The following FAM184B variants were observed in gnomAD, a reference collection of about 807,000 sequenced individuals.
The protein encoded by FAM184B is family with sequence similarity 184 member B.
A neutral mutation model predicts 135.9 loss-of-function variants in FAM184B; 111 were observed. The ratio of observed to expected loss-of-function variants is 0.82; its 90% CI spans 0.70 to 0.96. The LOEUF (loss-of-function observed/expected upper bound fraction) is 0.96, where lower values mean the gene tolerates loss of function less well. FAM184B is among the 40% of genes least tolerant of loss of function. The pLI, the probability that FAM184B is intolerant of heterozygous loss-of-function variation, is 0.00. For missense variants in FAM184B, 1,375 were observed against 1,323.9 expected, an observed-to-expected ratio of 1.04 and a Z score of -0.60; for synonymous variants, 552 against 524.8, an observed-to-expected ratio of 1.05 and a Z score of -0.71.
chr4:17,644,367 C>T (rs1715406404), intron 12 of FAM184B, among the ~76,000 whole-genome samples: 1 of 152,190 alleles, frequency 6.6e-6, no homozygotes, highest in African/African-American at 2.4e-5. Context: ...TCCAGCAGCA[C>T]ATCAAAAAGC....
chr4:17,662,071 A>T (rs1715932469), intron 8 of FAM184B, among the ~76,000 whole-genome samples: 1 of 152,188 alleles, frequency 6.6e-6, no homozygotes, highest in African/African-American at 2.4e-5. Context: ...CCTGAGCTTA[A>T]GCATCATACA....
chr4:17,775,470 C>T (rs1299472234), intron 1 of FAM184B, among the ~76,000 whole-genome samples: 1 of 152,216 alleles, frequency 6.6e-6, no homozygotes, highest in Non-Finnish European at 1.5e-5. Context: ...CAGGCATGAG[C>T]CACTGAGCCC....
intron 11 of FAM184B, among the ~76,000 whole-genome samples, chr4:17,652,224 A>C (rs1320316212): frequency 2.8e-5 from 4 of 140,480 alleles, no homozygotes; most frequent in Non-Finnish European, 6.0e-5. Context: ...TCCCGGGTTC[A>C]CGCCATTCTC....
At chr4:17,668,693 C>T (rs888588884) in intron 7 of FAM184B, among the ~76,000 whole-genome samples, 11 of 152,056 alleles carry the variant, frequency 7.2e-5, no homozygotes, top group African/African-American at 2.4e-4. Context: ...ACAACACGCC[C>T]GGCTAATTTT....
At chr4:17,749,485 G>T (rs566179513) in intron 1 of FAM184B, among the ~76,000 whole-genome samples, 2 of 152,034 alleles carry the variant, frequency 1.3e-5, no homozygotes, top group African/African-American at 4.8e-5. Flanking sequence ...AATGGAAACA[G>T]ATCTAAAAAT....
chr4:17,725,647 C>A (rs1395151985), intron 1 of FAM184B, among the ~76,000 whole-genome samples: 1 of 152,164 alleles, frequency 6.6e-6, no homozygotes, highest in Non-Finnish European at 1.5e-5. Flanking sequence ...TCTCCATTTT[C>A]ACTAATGGTG....
chr4:17,729,287 G>A (rs1293835588), intron 1 of FAM184B, among the ~76,000 whole-genome samples: 1 of 152,226 alleles, frequency 6.6e-6, no homozygotes, highest in East Asian at 1.9e-4. Context: ...AGCTCAAGGA[G>A]GCCTGCCTGC....
intron 1 of FAM184B, among the ~76,000 whole-genome samples, chr4:17,732,429 T>C (rs1480534625): frequency 1.3e-5 from 2 of 152,082 alleles, no homozygotes; most frequent in African/African-American, 4.8e-5. Context: ...ACAAAATCGA[T>C]AGACCGCTAG....
chr4:17,761,031 G>C (rs1322493694), intron 1 of FAM184B, among the ~76,000 whole-genome samples: 1 of 152,212 alleles, frequency 6.6e-6, no homozygotes, highest in Non-Finnish European at 1.5e-5. Flanking sequence ...GACATTTTTA[G>C]TTGAGGCCAG....
At chr4:17,729,303 T>C (rs1717717419) in intron 1 of FAM184B, among the ~76,000 whole-genome samples, 1 of 152,242 alleles carries the variant, frequency 6.6e-6, no homozygotes, top group South Asian at 2.1e-4. Flanking sequence ...CCTGCCTCTG[T>C]AGGCTCCACC....
At position 17,632,043 on chromosome 4, in the gene FAM184B, ATTTTTTTTT is replaced by A. The variant is rs199549580; in HGVS notation, c.*480_*488del. Reference sequence around the variant, plus strand: ...TTTTAATAACACTGGTTTAATGTCAATTTTTTTTTTTTTTTTTTTTTTTTTTTTTTTTTT... The same window carrying A: ...TTTTAATAACACTGGTTTAATGTCAATTTTTTTTTTTTTTTTTTTTTTTTT... On this transcript the variant is annotated 3_prime_UTR_variant, in exon 18 of 18. Coordinates refer to ENST00000265018, the MANE Select transcript of FAM184B (RefSeq NM_015688.2). 10 of 117,608 alleles carry A rather than the reference ATTTTTTTTT, an allele frequency of 8.5e-5. No homozygotes were observed. The highest frequency in any genetic ancestry group is 4.3e-4 in the East Asian group (2 of 4,606). 7.3% of individuals were successfully genotyped at this position (117,608 alleles called of 1,614,324 possible). A position where few individuals can be genotyped will look rare whatever the true frequency, so the allele number is the denominator to read the frequency against.
intron 1 of FAM184B, among the ~76,000 whole-genome samples, chr4:17,749,243 C>G (rs76545601): frequency 0.044 from 6,656 of 151,938 alleles, 335 homozygotes; most frequent in African/African-American, 0.13. Context: ...GACTCTAGTT[C>G]AGGAACCCAT....
intron 1 of FAM184B, among the ~76,000 whole-genome samples, chr4:17,755,601 G>A (rs1718400630): frequency 1.3e-5 from 2 of 152,252 alleles, no homozygotes; most frequent in Admixed American, 6.5e-5. Flanking sequence ...ATAAAGATAT[G>A]TACATGCATA....
At chr4:17,653,085 C>T (rs367837796) in intron 10 of FAM184B, 102 bp from the exon 11 acceptor site, 11 of 1,124,378 alleles carry the variant, frequency 9.8e-6, no homozygotes, top group Middle Eastern at 2.0e-4. Flanking sequence ...TCTGAACACT[C>T]GCACTCTCCC....
At position 17,781,189 on chromosome 4, in the gene FAM184B, T is replaced by C. The variant is rs991237885; in HGVS notation, c.111A>G (p.Lys37=). The C allele has an allele frequency of 2.9e-5, 45 of 1,549,556 alleles. No individual in the cohort carries two copies. Among genetic ancestry groups the C allele is most frequent in the Non-Finnish European group, 3.9e-5 (45 of 1,146,064 alleles). ...RMDCDPQMHV[K]MCKKIAQLTK... is the part of the protein sequence containing the mutation. ...TGAGCTGGGCGATCTTCTTGCACAT[T>C]TTCACGTGCATCTGGGGATCACAGT... is the stretch of plus-strand genomic sequence containing the variant. The change falls in exon 1 of 18, where the codon AAA becomes AAG. Residue 37 remains lysine, a synonymous_variant. Coordinates refer to ENST00000265018, the MANE Select transcript of FAM184B (RefSeq NM_015688.2). The surrounding 1 kb of genome is among the most constrained non-coding windows in gnomAD (Gnocchi z 6.5).
At chr4:17,687,702 C>T (rs146387177) in intron 7 of FAM184B, among the ~76,000 whole-genome samples, 14 of 152,164 alleles carry the variant, frequency 9.2e-5, no homozygotes, top group South Asian at 8.3e-4. Flanking sequence ...AGGCAGAGAT[C>T]GGAGTGACGT....
At position 17,639,364 on chromosome 4, in the gene FAM184B, G is replaced by T; in HGVS notation, c.2552C>A (p.Ala851Asp). 1 of 1,551,708 alleles carries T rather than the reference G, an allele frequency of 6.4e-7. No individual in the cohort carries two copies. ...CTGGCGCAGTGTCTCCACCTCCCTG[G>T]CCCGCTGGGCTTGCTGAGTCTCCTC... Reference protein sequence around the residue: ...FLEETQQAQRAREVETLRQEH... With the variant: ...FLEETQQAQRDREVETLRQEH... Residue 851 changes from alanine to aspartate, a missense_variant, in exon 14 of 18, where the codon GCC (alanine) becomes GAC (aspartate). Transcript: ENST00000265018.
At chr4:17,722,813 C>T (rs369875234) in intron 1 of FAM184B, among the ~76,000 whole-genome samples, 7 of 152,218 alleles carry the variant, frequency 4.6e-5, no homozygotes, top group Middle Eastern at 6.8e-3. Flanking sequence ...CTTTGGTTGG[C>T]CAACCTGGTT....
Position 17,698,661 on chromosome 4 carries a change from G to A in FAM184B, c.1378-5249C>T, listed in dbSNP as rs76347649. ...AGACCCCATGAAGTGTCCCAACTCA[G>A]TAGTAGGGCTTAACTAGAGTTAGAG... is the stretch of plus-strand genomic sequence containing the variant. On this transcript the variant is annotated intron_variant, in intron 5 of 17. Coordinates refer to ENST00000265018, the MANE Select transcript of FAM184B (RefSeq NM_015688.2). 3.3e-3 allele frequency among the ~76,000 whole-genome samples: 508 copies of A among 152,230 alleles called. 3 individuals are homozygous for A. Among genetic ancestry groups the A allele is most frequent in the African/African-American group, 0.011 (453 of 41,550 alleles).
Sources: allele counts gnomAD v4.1 joint callset (sites outside exome capture counted in the v4.1 genomes callset), GRCh38; gene constraint gnomAD v4.1.1; non-coding constraint Gnocchi (gnomAD v3.1); transcripts MANE v1.5; gene names NCBI Gene and HGNC (gene_info 2026-07-23, HGNC 2026-07-21).